Variants in ZNF486 observed in about 807,000 individuals in gnomAD.
ZNF486 encodes the protein KRAB box only protein 2.
A neutral mutation model predicts 12.8 loss-of-function variants in ZNF486; 12 were observed. The ratio of observed to expected loss-of-function variants is 0.94; its 90% confidence interval spans 0.60 to 1.52. ZNF486 has a LOEUF of 1.52. ZNF486 is among the 40% of genes most tolerant of loss of function. The probability of loss-of-function intolerance (pLI) is 0.00; values close to 1 mark genes in which losing one functional copy is unlikely to be tolerated. For synonymous variants in ZNF486, 231 were observed against 184.9 expected, an observed-to-expected ratio of 1.25 and a Z score of -2.02; for missense variants, 738 against 545.0, an observed-to-expected ratio of 1.35 and a Z score of -3.53.
At chr19:20,172,832 G>A (rs565279390) in intron 1 of ZNF486, among the ~76,000 whole-genome samples, 12 of 151,682 alleles carry the variant, frequency 7.9e-5, no homozygotes, top group Admixed American at 2.6e-4. Flanking sequence ...TAGTAGAGAC[G>A]AGGTTTCACC....
rs1230509169 is a variant in ZNF486 at position 20,171,261 on chromosome 19, G to GA, written c.30+3902dup. Among the ~76,000 whole-genome samples the GA allele has an allele frequency of 5.9e-5, 9 of 152,320 alleles. No individual in the cohort carries two copies. The East Asian group carries it at 1.7e-3, about 29-fold the overall frequency. On this transcript the variant is annotated intron_variant, in intron 1 of 3. Transcript: ENST00000335117. ...GCTGTCACACTGCCCATTGTCCTGT[G>GA]ATTCCAGGTCTTCTCCCAGGGTGAC...
chr19:20,183,588 T>G (rs369226626), intron 1 of ZNF486, among the ~76,000 whole-genome samples: 1 of 152,236 alleles, frequency 6.6e-6, no homozygotes. Flanking sequence ...CTGTGTGAAT[T>G]AGGACATCAT....
chr19:20,189,286 G>A (rs1468945613), intron 3 of ZNF486, among the ~76,000 whole-genome samples: 1 of 152,062 alleles, frequency 6.6e-6, no homozygotes, highest in Non-Finnish European at 1.5e-5. Context: ...GGCCAGGCTG[G>A]TCTCAAACTC....
intron 3 of ZNF486, among the ~76,000 whole-genome samples, chr19:20,194,433 T>C (rs1421713402): frequency 1.3e-5 from 2 of 152,180 alleles, no homozygotes; most frequent in Non-Finnish European, 2.9e-5. Flanking sequence ...ATGTTTTAAA[T>C]AAATTCACTG....
At chr19:20,184,238 A>G in intron 1 of ZNF486, 118 bp from the exon 2 acceptor site, 1 of 1,441,724 alleles carries the variant, frequency 6.9e-7, no homozygotes, top group Non-Finnish European at 9.3e-7. Flanking sequence ...ATTTTATTGG[A>G]TAATTTTAGT....
chr19:20,183,790 C>G (rs2089812323), intron 1 of ZNF486, among the ~76,000 whole-genome samples: 2 of 151,914 alleles, frequency 1.3e-5, no homozygotes, highest in South Asian at 4.1e-4. Context: ...AATGAAGCCT[C>G]TTATCTTTGT....
At chr19:20,183,006 C>T (rs1245444793) in intron 1 of ZNF486, among the ~76,000 whole-genome samples, 1 of 152,160 alleles carries the variant, frequency 6.6e-6, no homozygotes, top group Non-Finnish European at 1.5e-5. Context: ...CAAACCTTTA[C>T]TTCTCTACTT....
At position 20,199,584 on chromosome 19, in the gene ZNF486, G is replaced by C. The variant is rs1193115681; in HGVS notation, c.*1482G>C. 2 of 152,004 alleles carry C rather than the reference G, an allele frequency of 1.3e-5. No individual in the cohort carries two copies. Among genetic ancestry groups the C allele is most frequent in the African/African-American group, 2.4e-5 (1 of 41,360 alleles). 9.4% of individuals were successfully genotyped at this position (152,004 alleles called of 1,614,324 possible). On this transcript the variant is annotated 3_prime_UTR_variant, in exon 4 of 4. Coordinates refer to ENST00000335117, the MANE Select transcript of ZNF486 (RefSeq NM_052852.4). ...AGTCTCTACTGAAAATATAAAATTA[G>C]CCATGCATGGTGGCACATGCCTGTA...
At chr19:20,188,710 T>C in intron 3 of ZNF486, 1 of 362,980 alleles carries the variant, frequency 2.8e-6, no homozygotes, top group Non-Finnish European at 4.9e-6. Context: ...TTATGTAAAA[T>C]ACTTCTAGAC....
chr19:20,176,779 A>G (rs1274493912), intron 1 of ZNF486: 3 of 153,176 alleles, frequency 2.0e-5, no homozygotes, highest in African/African-American at 4.8e-5. Flanking sequence ...GCAGCAGTAC[A>G]GTCCAGCTTC....
intron 1 of ZNF486, among the ~76,000 whole-genome samples, chr19:20,168,845 AAAAT>A (rs2089613563): frequency 6.6e-6 from 1 of 151,906 alleles, no homozygotes; most frequent in Non-Finnish European, 1.5e-5. Flanking sequence ...GGGGTTAAAA[AAAAT>A]TTTTTTTTTT....
chr19:20,187,197 T>G (rs1332359488), intron 3 of ZNF486, among the ~76,000 whole-genome samples: 4 of 152,144 alleles, frequency 2.6e-5, no homozygotes, highest in Non-Finnish European at 5.9e-5. Flanking sequence ...TCAGTTTGTT[T>G]TAAGTGTATG....
chr19:20,171,434 A>C (rs547195741), intron 1 of ZNF486, among the ~76,000 whole-genome samples: 2 of 152,332 alleles, frequency 1.3e-5, no homozygotes, highest in East Asian at 3.9e-4. Flanking sequence ...TCACCCTCAG[A>C]AACTTCACCA....
intron 3 of ZNF486, chr19:20,188,363 A>G: frequency 2.5e-6 from 1 of 398,368 alleles, no homozygotes; most frequent in East Asian, 3.6e-5. Flanking sequence ...CACATAACAT[A>G]AAATTTACCA....
chr19:20,178,464 G>C (rs144419606), intron 1 of ZNF486, among the ~76,000 whole-genome samples: 9 of 151,756 alleles, frequency 5.9e-5, no homozygotes. Context: ...AGATGGTCTC[G>C]ATCTCCTGAC....
intron 1 of ZNF486, among the ~76,000 whole-genome samples, chr19:20,172,778 T>G (rs1365196792): frequency 2.7e-5 from 4 of 149,276 alleles, no homozygotes; most frequent in Non-Finnish European, 5.9e-5. Context: ...TAGCTGGGAT[T>G]ACAGACATGT....
At chr19:20,185,606 CA>C (rs1568322956) in intron 2 of ZNF486, among the ~76,000 whole-genome samples, 1 of 151,442 alleles carries the variant, frequency 6.6e-6, no homozygotes, top group Non-Finnish European at 1.5e-5. Context: ...AATGGGGTTT[CA>C]CCATGTTGGC....
chr19:20,197,026 A>C lies in ZNF486; in HGVS notation c.316A>C (p.Lys106Gln). Residue 106 changes from lysine to glutamine, a missense_variant, in exon 4 of 4, where the codon AAA becomes CAA. Physicochemically the swap from Lys to Gln is moderately conservative, Grantham distance 53. Coordinates refer to ENST00000335117, the MANE Select transcript of ZNF486 (RefSeq NM_052852.4). The part of the protein sequence containing the change: ...PEQSIKDSYQ[K>Q]VILRKFEKCG... ...GCAGAGCATAAAAGATTCTTACCAA[A>C]AAGTGATACTGAGAAAATTTGAAAA... 6.2e-7 allele frequency: 1 copy of C among 1,607,248 alleles called. No individual in the cohort carries two copies. The highest frequency in any genetic ancestry group is 8.5e-7 in the Non-Finnish European group (1 of 1,178,176).
At chr19:20,175,097 TG>T (rs1555714439) in intron 1 of ZNF486, 1 of 152,220 alleles carries the variant, frequency 6.6e-6, no homozygotes, top group Non-Finnish European at 1.5e-5. Context: ...ACAGCAGAGA[TG>T]GGAAAGAAAC....
Sources: allele counts gnomAD v4.1 joint callset (sites outside exome capture counted in the v4.1 genomes callset), GRCh38; gene constraint gnomAD v4.1.1; transcripts MANE v1.5; gene names NCBI Gene and HGNC (gene_info 2026-07-23, HGNC 2026-07-21).